Variants in NEDD4L observed in about 807,000 individuals in gnomAD.
The protein encoded by NEDD4L is E3 ubiquitin-protein ligase NEDD4-like.
Under a neutral mutation model 148.9 loss-of-function variants are expected in NEDD4L, and 54 were observed. The observed-to-expected ratio is 0.36, with a 90% CI of 0.29 to 0.45. The LOEUF is 0.45. NEDD4L is among the 20% of genes least tolerant of loss of function. NEDD4L has a pLI of 1.00. For synonymous variants in NEDD4L, 433 were observed against 440.7 expected, an observed-to-expected ratio of 0.98 and a Z score of 0.22; for missense variants, 856 against 1,233.8, an observed-to-expected ratio of 0.69 and a Z score of 4.59.
At chr18:58,331,804 C>T (rs1013862679) in intron 11 of NEDD4L, among the ~76,000 whole-genome samples, 1 of 152,086 alleles carries the variant, frequency 6.6e-6, no homozygotes, top group East Asian at 1.9e-4. Context: ...GCACTGCATA[C>T]AATGTAAAAG....
chr18:58,329,708 C>G (rs1053217633), intron 10 of NEDD4L, among the ~76,000 whole-genome samples: 30 of 150,432 alleles, frequency 2.0e-4, no homozygotes, highest in Non-Finnish European at 3.8e-4. Context: ...ACCATGTTGG[C>G]CAGGCTGGTC....
chr18:58,369,924 T>C (rs17064891), intron 22 of NEDD4L, among the ~76,000 whole-genome samples: 2,033 of 152,250 alleles, frequency 0.013, 37 homozygotes, highest in African/African-American at 0.04. Flanking sequence ...AGAAGACAGA[T>C]GGAATTTCAC....
chr18:58,182,670 T>G (rs1164850868), intron 2 of NEDD4L, among the ~76,000 whole-genome samples: 1 of 152,062 alleles, frequency 6.6e-6, no homozygotes, highest in African/African-American at 2.4e-5. Context: ...TTAGTAGAGA[T>G]GGAGTTTCAC....
intron 1 of NEDD4L, among the ~76,000 whole-genome samples, chr18:58,087,253 A>G (rs1476325701): frequency 1.3e-5 from 2 of 152,206 alleles, no homozygotes; most frequent in African/African-American, 2.4e-5. Flanking sequence ...GTAGCAGGCA[A>G]TGGCGTTGCT....
At chr18:58,283,766 A>G (rs952241155) in intron 5 of NEDD4L, among the ~76,000 whole-genome samples, 3 of 152,204 alleles carry the variant, frequency 2.0e-5, no homozygotes, top group Non-Finnish European at 1.5e-5. Context: ...CCCCAAAAAG[A>G]TATGAAATCC....
intron 1 of NEDD4L, among the ~76,000 whole-genome samples, chr18:58,139,527 G>GTTTGTTAAAT (rs1658953154): frequency 6.6e-6 from 1 of 152,080 alleles, no homozygotes; most frequent in African/African-American, 2.4e-5. Flanking sequence ...TTAAAATAAT[G>GTTTGTTAAAT]CGTGTTTGTT....
intron 30 of NEDD4L, among the ~76,000 whole-genome samples, chr18:58,395,083 C>G (rs373269919): frequency 5.3e-5 from 8 of 152,276 alleles, no homozygotes; most frequent in African/African-American, 1.9e-4. Flanking sequence ...CATTAGCTGC[C>G]TTACAAAGTG....
At position 58,325,277 on chromosome 18, in the gene NEDD4L, T is replaced by C; in HGVS notation, c.680+115T>C. ...TAAATCATATGTCTATAAGAGCAGATGGTGGTGTGGTACGAGATTCCTCTC... is the reference window on the plus strand; with the variant it reads ...TAAATCATATGTCTATAAGAGCAGACGGTGGTGTGGTACGAGATTCCTCTC... On this transcript the variant is annotated intron_variant, in intron 9 of 30. Coordinates refer to ENST00000400345, the MANE Select transcript of NEDD4L (RefSeq NM_001144967.3). 3 of 1,210,070 alleles carry C rather than the reference T, an allele frequency of 2.5e-6. No homozygotes were observed. In the Admixed American group the frequency reaches 6.0e-5, roughly 24 times the overall value. The allele number at this position is 1,210,070 out of a possible 1,614,324, so 75.0% of individuals were successfully genotyped here.
chr18:58,195,531 C>G lies in NEDD4L; in HGVS notation c.122+29670C>G, dbSNP rs373263861. 1.1e-5 allele frequency: 15 copies of G among 1,341,604 alleles called. No individual in the cohort carries two copies. The East Asian group carries it at 2.3e-4, about 21-fold the overall frequency. The allele number at this position is 1,341,604 out of a possible 1,614,324, so 83.1% of individuals were successfully genotyped here. Reference sequence around the variant, plus strand: ...GCGCAGGGCCCTACCTGGGCGGGAGCGGCTGCAGAGCCCTGTCCACGCGGT... The same window carrying G: ...GCGCAGGGCCCTACCTGGGCGGGAGGGGCTGCAGAGCCCTGTCCACGCGGT... On this transcript the variant is annotated intron_variant, in intron 2 of 30. Transcript: ENST00000400345.
Position 58,383,236 on chromosome 18 carries a change from G to A in NEDD4L, c.2353-10G>A. 7.0e-7 allele frequency: 1 copy of A among 1,438,778 alleles called. No homozygotes were observed. Among genetic ancestry groups the A allele is most frequent in the Non-Finnish European group, 9.6e-7 (1 of 1,044,770 alleles). 89.1% of individuals were successfully genotyped at this position (1,438,778 alleles called of 1,614,324 possible). A position where few individuals can be genotyped will look rare whatever the true frequency, so the allele number is the denominator to read the frequency against. The stretch of plus-strand genomic sequence containing the variant: ...TGATAGTAATTGTTGTTTTGTCTTT[G>A]TAATTACAGACATATCAAGTGGATT... On this transcript the variant is annotated splice_polypyrimidine_tract_variant and intron_variant, in intron 24 of 30. Coordinates refer to ENST00000400345, the MANE Select transcript of NEDD4L (RefSeq NM_001144967.3).
chr18:58,169,180 G>C (rs2037249255), intron 2 of NEDD4L, among the ~76,000 whole-genome samples: 1 of 152,174 alleles, frequency 6.6e-6, no homozygotes, highest in African/African-American at 2.4e-5. Context: ...CAGTACTTAG[G>C]ATCCAAGATC....
chr18:58,094,007 A>G (rs1293912690), intron 1 of NEDD4L, among the ~76,000 whole-genome samples: 1 of 152,012 alleles, frequency 6.6e-6, no homozygotes, highest in Non-Finnish European at 1.5e-5. Flanking sequence ...TTCTTTCCTC[A>G]TTACACTGCC....
intron 1 of NEDD4L, among the ~76,000 whole-genome samples, chr18:58,089,620 G>A (rs909484418): frequency 9.9e-5 from 15 of 151,308 alleles, no homozygotes; most frequent in Admixed American, 9.2e-4. Flanking sequence ...TCTCAGAAAA[G>A]TGAAAGGTGA....
Position 58,181,469 on chromosome 18 carries a change from T to C in NEDD4L, c.122+15608T>C, listed in dbSNP as rs552414150. ...AATTAATTAGCAGAGCCTCTCTGTGTCACCAAGACTGGAGTGCAGTGGTGC... is the reference window on the plus strand; with the variant it reads ...AATTAATTAGCAGAGCCTCTCTGTGCCACCAAGACTGGAGTGCAGTGGTGC... On this transcript the variant is annotated intron_variant, in intron 2 of 30. Transcript: ENST00000400345. 2.6e-5 allele frequency among the ~76,000 whole-genome samples: 4 copies of C among 152,332 alleles called. No homozygotes were observed. The East Asian group carries it at 7.7e-4, about 29-fold the overall frequency.
intron 8 of NEDD4L, among the ~76,000 whole-genome samples, chr18:58,323,963 G>A (rs982951592): frequency 6.6e-6 from 1 of 152,250 alleles, no homozygotes; most frequent in South Asian, 2.1e-4. Flanking sequence ...TCCATTAAAC[G>A]AGACCTCTCT....
intron 1 of NEDD4L, among the ~76,000 whole-genome samples, chr18:58,109,776 G>A (rs1599338208): frequency 6.6e-6 from 1 of 151,932 alleles, no homozygotes; most frequent in East Asian, 1.9e-4. Context: ...CGCCATGTTG[G>A]CCAGGCTGGT....
At chr18:58,052,470 A>T (rs2081916414) in intron 1 of NEDD4L, among the ~76,000 whole-genome samples, 1 of 152,118 alleles carries the variant, frequency 6.6e-6, no homozygotes, top group Non-Finnish European at 1.5e-5. Flanking sequence ...CCCTGACTTC[A>T]GTCCTGCATT....
chr18:58,378,830 C>T (rs1244716178), intron 24 of NEDD4L, among the ~76,000 whole-genome samples: 1 of 152,204 alleles, frequency 6.6e-6, no homozygotes, highest in African/African-American at 2.4e-5. Flanking sequence ...AGCAGCTTCC[C>T]AGGCAGCGCA....
intron 1 of NEDD4L, among the ~76,000 whole-genome samples, chr18:58,076,850 CTTTT>C (rs375840476): frequency 7.3e-6 from 1 of 136,444 alleles, no homozygotes; most frequent in African/African-American, 2.7e-5. Context: ...AATATACCTG[CTTTT>C]TTTTTTTTTT....
Sources: gnomAD v4.1 joint callset for allele counts (sites outside exome capture counted in the v4.1 genomes callset) on GRCh38, gnomAD v4.1.1 for gene constraint, MANE v1.5 for transcripts, NCBI Gene and HGNC (gene_info 2026-07-23, HGNC 2026-07-21) for gene names.